Variants in CHST8 observed in about 807,000 individuals in gnomAD.
CHST8 encodes GALNAC-4-ST1.
CHST8 carries 10 observed loss-of-function variants against 15.0 expected under a neutral mutation model. The ratio of observed to expected loss-of-function variants is 0.67; its 90% CI spans 0.41 to 1.13. CHST8 has a LOEUF of 1.13. Among genes scored for constraint, CHST8 ranks in the 50% most tolerant of loss-of-function variants. CHST8 has a pLI of 0.00. For missense variants in CHST8, 634 were observed against 608.2 expected, an observed-to-expected ratio of 1.04 and a Z score of -0.45; for synonymous variants, 259 against 256.6, an observed-to-expected ratio of 1.01 and a Z score of -0.09.
intron 3 of CHST8, among the ~76,000 whole-genome samples, chr19:33,715,028 C>A (rs1223245397): frequency 6.6e-6 from 1 of 152,220 alleles, no homozygotes; most frequent in Admixed American, 6.5e-5. Context: ...TGACTTGTCA[C>A]TTCTCCCTCC....
chr19:33,707,408 A>G (rs1973468103), intron 3 of CHST8, among the ~76,000 whole-genome samples: 2 of 152,110 alleles, frequency 1.3e-5, no homozygotes, highest in Non-Finnish European at 2.9e-5. Context: ...GCCCACTTCA[A>G]TCACTCCCCA....
intron 3 of CHST8, among the ~76,000 whole-genome samples, chr19:33,706,906 G>A (rs1201876510): frequency 6.6e-6 from 1 of 152,306 alleles, no homozygotes; most frequent in African/African-American, 2.4e-5. Context: ...GAGGACCACA[G>A]GCCGGGAGGA....
rs559420537 is a variant in CHST8 at position 33,691,212 on chromosome 19, C to T, written c.130+1821C>T. Reference sequence around the variant, plus strand: ...ACAGGTGGGCTGGGGACCCAGGGGACGGCTGGGATTTCTGGGAAGATCGGA... The same window carrying T: ...ACAGGTGGGCTGGGGACCCAGGGGATGGCTGGGATTTCTGGGAAGATCGGA... On this transcript the variant is annotated intron_variant, in intron 3 of 4. Coordinates refer to ENST00000650847, the MANE Select transcript of CHST8 (RefSeq NM_001127895.2). Among the ~76,000 whole-genome samples the T allele has an allele frequency of 9.9e-5, 15 of 152,192 alleles. No individual in the cohort carries two copies. In the South Asian group the frequency reaches 1.5e-3, roughly 15 times the overall value.
At chr19:33,757,464 A>C (rs1568358517) in intron 3 of CHST8, among the ~76,000 whole-genome samples, 1 of 41,876 alleles carries the variant, frequency 2.4e-5, no homozygotes, top group East Asian at 4.6e-4. Flanking sequence ...GAAAGAAAGA[A>C]AGAAAGAAAG....
chr19:33,763,450 C>A (rs1401290091), intron 3 of CHST8, among the ~76,000 whole-genome samples: 4 of 152,238 alleles, frequency 2.6e-5, no homozygotes, highest in Non-Finnish European at 5.9e-5. Context: ...GACCACAGAG[C>A]TGTCATCAGG....
Position 33,706,790 on chromosome 19 carries a change from T to A in CHST8, c.130+17399T>A, listed in dbSNP as rs924924709. 3.9e-5 allele frequency among the ~76,000 whole-genome samples: 6 copies of A among 152,256 alleles called. No homozygotes were observed. In the East Asian group the frequency reaches 1.2e-3, roughly 29 times the overall value. ...GCAGTAATTAAAGGATTTTCTGGGCTTAAATCAACTGTGCGCGTCAAGCGT... is the reference window on the plus strand; with the variant it reads ...GCAGTAATTAAAGGATTTTCTGGGCATAAATCAACTGTGCGCGTCAAGCGT... On this transcript the variant is annotated intron_variant, in intron 3 of 4. Transcript: ENST00000650847.
chr19:33,737,469 T>G (rs1974109337), intron 3 of CHST8, among the ~76,000 whole-genome samples: 1 of 152,240 alleles, frequency 6.6e-6, no homozygotes, highest in African/African-American at 2.4e-5. Flanking sequence ...GCGTTCACTG[T>G]GGCCATAATT....
intron 3 of CHST8, among the ~76,000 whole-genome samples, chr19:33,741,692 C>G (rs919579336): frequency 6.6e-6 from 1 of 151,636 alleles, no homozygotes; most frequent in African/African-American, 2.4e-5. Context: ...GGTCTTTTAT[C>G]AAGCAGAGTC....
intron 1 of CHST8, among the ~76,000 whole-genome samples, chr19:33,640,217 C>T (rs891153310): frequency 2.0e-5 from 3 of 152,332 alleles, no homozygotes; most frequent in Non-Finnish European, 4.4e-5. Context: ...GGGGTGACCA[C>T]GGCCAGGATC....
chr19:33,747,804 C>T (rs1974342428), intron 3 of CHST8, among the ~76,000 whole-genome samples: 2 of 152,156 alleles, frequency 1.3e-5, no homozygotes, highest in Admixed American at 6.5e-5. Flanking sequence ...TGACAAAAAA[C>T]AAGTCTAAGG....
chr19:33,629,667 C>G (rs931930539), intron 1 of CHST8, among the ~76,000 whole-genome samples: 1 of 152,256 alleles, frequency 6.6e-6, no homozygotes, highest in Non-Finnish European at 1.5e-5. Flanking sequence ...GAGTGGCCAC[C>G]GAGCTGCAGG....
rs540553150 is a variant in CHST8 at position 33,727,869 on chromosome 19, G to A, written c.130+38478G>A. ...TTGCTTTCCGGCGCCTCTCTTTTTCGGCCTCCACTGACTGCTGGGCCCTTC... is the reference window on the plus strand; with the variant it reads ...TTGCTTTCCGGCGCCTCTCTTTTTCAGCCTCCACTGACTGCTGGGCCCTTC... On this transcript the variant is annotated intron_variant, in intron 3 of 4. Coordinates refer to ENST00000650847, the MANE Select transcript of CHST8 (RefSeq NM_001127895.2). Among the ~76,000 whole-genome samples the A allele has an allele frequency of 7.9e-5, 12 of 152,254 alleles. No individual in the cohort carries two copies. The East Asian group carries it at 2.1e-3, about 27-fold the overall frequency.
intron 1 of CHST8, among the ~76,000 whole-genome samples, chr19:33,623,680 TG>T (rs1339990019): frequency 6.6e-6 from 1 of 152,174 alleles, no homozygotes; most frequent in African/African-American, 2.4e-5. Context: ...AGGGCACCCG[TG>T]GAGCAGGTGT....
chr19:33,741,926 G>A (rs548193012), intron 3 of CHST8, among the ~76,000 whole-genome samples: 59 of 152,112 alleles, frequency 3.9e-4, no homozygotes, highest in African/African-American at 1.4e-3. Context: ...AGAAATGCTC[G>A]CCAGATGGGA....
Position 33,686,713 on chromosome 19 carries a change from T to C in CHST8, c.-86-2463T>C, listed in dbSNP as rs553705013. On this transcript the variant is annotated intron_variant, in intron 2 of 4. Coordinates refer to ENST00000650847, the MANE Select transcript of CHST8 (RefSeq NM_001127895.2). ...TAGGTCAAACTGGCTTCCCGGTGTC[T>C]GACTCAGGAGGCTGCAGGAAGCGCA... Among the ~76,000 whole-genome samples, 578 of 152,312 alleles carry C rather than the reference T, an allele frequency of 3.8e-3. 1 individual carries two copies. Among genetic ancestry groups the C allele is most frequent in the African/African-American group, 0.013 (549 of 41,584 alleles).
At chr19:33,659,237 G>A (rs1972553705) in intron 1 of CHST8, among the ~76,000 whole-genome samples, 2 of 151,744 alleles carry the variant, frequency 1.3e-5, no homozygotes, top group South Asian at 4.2e-4. Context: ...GGCTAATTTT[G>A]TATTTTTGGT....
intron 1 of CHST8, among the ~76,000 whole-genome samples, chr19:33,647,289 CAGG>C: frequency 6.6e-6 from 1 of 152,176 alleles, no homozygotes. Flanking sequence ...AGGAAGAAAG[CAGG>C]AGACTATCAC....
At chr19:33,632,068 A>T (rs1187637474) in intron 1 of CHST8, among the ~76,000 whole-genome samples, 1 of 151,682 alleles carries the variant, frequency 6.6e-6, no homozygotes, top group East Asian at 1.9e-4. Flanking sequence ...ACAGAGGCTT[A>T]GGGGGCAGGC....
intron 3 of CHST8, among the ~76,000 whole-genome samples, chr19:33,765,369 A>G (rs1488366393): frequency 6.6e-6 from 1 of 151,922 alleles, no homozygotes; most frequent in African/African-American, 2.4e-5. Flanking sequence ...GAGAGAACAC[A>G]TTTTTGTCAT....
Sources: gnomAD v4.1 joint callset for allele counts (sites outside exome capture counted in the v4.1 genomes callset) on GRCh38, gnomAD v4.1.1 for gene constraint, MANE v1.5 for transcripts, NCBI Gene and HGNC (gene_info 2026-07-23, HGNC 2026-07-21) for gene names.